Variants in CEP170 observed in about 807,000 individuals in gnomAD.
The protein encoded by CEP170 is centrosomal protein 170.
In CEP170, 21 loss-of-function variants were observed where a neutral mutation model predicts 151.9. The ratio of observed to expected loss-of-function variants is 0.14; its 90% CI spans 0.10 to 0.20. The LOEUF is 0.20. Among genes scored for constraint, CEP170 ranks in the 10% least tolerant of loss-of-function variants. CEP170 has a pLI of 1.00. For missense variants in CEP170, 964 were observed against 1,892.9 expected (o/e 0.51, Z 9.11); for synonymous variants, 356 against 648.8 (o/e 0.55, Z 6.86).
chr1:243,166,759 T>C (rs2058473202), intron 12 of CEP170, among the ~76,000 whole-genome samples: 1 of 152,058 alleles, frequency 6.6e-6, no homozygotes, highest in East Asian at 1.9e-4. Context: ...TATTTATGAA[T>C]TGACAAAAAT....
intron 11 of CEP170, among the ~76,000 whole-genome samples, chr1:243,170,965 G>A (rs1409112426): frequency 1.3e-5 from 2 of 152,252 alleles, no homozygotes; most frequent in East Asian, 1.9e-4. Flanking sequence ...AATACCAACA[G>A]TATGAGCGTC....
At chr1:243,233,432 T>C (rs1329458366) in intron 1 of CEP170, among the ~76,000 whole-genome samples, 5 of 152,100 alleles carry the variant, frequency 3.3e-5, no homozygotes, top group Non-Finnish European at 5.9e-5. Context: ...TACATTTTAC[T>C]GCTTTTTAAA....
At chr1:243,130,126 C>T (rs1249306415) in intron 17 of CEP170, among the ~76,000 whole-genome samples, 1 of 151,830 alleles carries the variant, frequency 6.6e-6, no homozygotes, top group Non-Finnish European at 1.5e-5. Context: ...GTAACTGTCA[C>T]TTATAAAGAA....
chr1:243,255,706 T>G (rs1572757522), upstream of CEP170, among the ~76,000 whole-genome samples: 2 of 152,364 alleles, frequency 1.3e-5, no homozygotes, highest in East Asian at 3.9e-4. Context: ...GATCAACTGC[T>G]GCATATTAGC....
At chr1:243,132,197 A>T (rs993487672) in intron 17 of CEP170, among the ~76,000 whole-genome samples, 2 of 152,194 alleles carry the variant, frequency 1.3e-5, no homozygotes, top group African/African-American at 4.8e-5. Flanking sequence ...GTTGATTCTC[A>T]AACTACCCTG....
chr1:243,129,325 T>A (rs2054092689), intron 18 of CEP170, 35 bp downstream of exon 18: 1 of 1,480,156 alleles, frequency 6.8e-7, no homozygotes, highest in Non-Finnish European at 9.0e-7. Flanking sequence ...AAAACTCTAT[T>A]AAAATGTTTT....
chr1:243,205,956 AAAAG>A (rs1233775167), intron 4 of CEP170, among the ~76,000 whole-genome samples: 2 of 151,254 alleles, frequency 1.3e-5, no homozygotes, highest in Admixed American at 6.6e-5. Context: ...GAAGGAAGAA[AAAAG>A]AAAGAAGAAA....
intron 17 of CEP170, 183 bp downstream of exon 17, chr1:243,135,960 G>C: frequency 1.5e-6 from 1 of 670,846 alleles, no homozygotes; most frequent in Non-Finnish European, 2.5e-6. Flanking sequence ...AAATCTGTAA[G>C]TCTATTTATG....
intron 3 of CEP170, 102 bp downstream of exon 3, chr1:243,221,622 A>C (rs751110429): frequency 6.7e-6 from 8 of 1,194,770 alleles, no homozygotes; most frequent in Non-Finnish European, 8.2e-6. Flanking sequence ...TAACATACAA[A>C]GTAAAGAAAA....
chr1:243,139,942 C>T lies in CEP170; in HGVS notation c.4225G>A (p.Asp1409Asn), dbSNP rs780151270. 1.9e-5 allele frequency: 30 copies of T among 1,610,050 alleles called. No individual in the cohort carries two copies. The highest frequency in any genetic ancestry group is 2.3e-5 in the Non-Finnish European group (27 of 1,177,302). Residue 1409 changes from aspartate to asparagine, a missense_variant, in exon 16 of 20, where the codon GAT becomes AAT. Transcript: ENST00000366542. ...AAAATTTATAGTTTACTTACTTCAT[C>T]CCTGCTCCAGGTTCTCCGCCTTGTA... ...TITRRRTWSR[D>N]EVMGDNLLLS...
rs1186252519 is a variant in CEP170 at position 243,142,143 on chromosome 1, A to G, written c.4059+173T>C. ...AATAGTAGACCAAATGTTAGCCTTC[A>G]CTAGTTTTGTTACAAAAACATAAAA... On this transcript the variant is annotated intron_variant, in intron 15 of 19. Transcript: ENST00000366542. The G allele has an allele frequency of 1.3e-5, 17 of 1,294,538 alleles. No homozygotes were observed. The East Asian group carries it at 4.1e-4, about 31-fold the overall frequency. 80.2% of individuals were successfully genotyped at this position (1,294,538 alleles called of 1,614,324 possible).
In CEP170 at chr1:243,165,018, G is replaced by C. The variant is rs768259210; in HGVS notation, c.2942C>G (p.Ser981Cys). The C allele has an allele frequency of 1.2e-6, 2 of 1,612,622 alleles. No homozygotes were observed. Among genetic ancestry groups the C allele is most frequent in the African/African-American group, 2.7e-5 (2 of 74,560 alleles). The stretch of plus-strand genomic sequence containing the variant: ...TTCCATTTTTTCCCTAGCACCTGAA[G>C]ATGATGATTTTGTAACATCTTTGGA... ...SPSKDVTKSS[S>C]SGAREKMEKK... Residue 981 changes from serine (S) to cysteine (C), a missense_variant, in exon 13 of 20, where the codon TCT (serine) becomes TGT (cysteine). Physicochemically the swap from Ser to Cys is moderately radical, Grantham distance 112. Coordinates refer to ENST00000366542, the MANE Select transcript of CEP170 (RefSeq NM_014812.3).
At position 243,140,059 on chromosome 1, in the gene CEP170, G is replaced by A. The variant is rs979228941; in HGVS notation, c.4108C>T (p.Pro1370Ser). ...DESLNFRKIP[P>S]LVHSKTPEGN... is the part of the protein sequence containing the mutation. ...TCTGGTGTTTTGGAATGAACTAATG[G>A]AGGAATCTTTCGGAAGTTGAGGCTT... The change falls in exon 16 of 20, where the codon CCA becomes TCA. Residue 1370 changes from proline (P) to serine (S), a missense_variant. Coordinates refer to ENST00000366542, the MANE Select transcript of CEP170 (RefSeq NM_014812.3). 5.6e-6 allele frequency: 9 copies of A among 1,613,742 alleles called. No individual in the cohort carries two copies. In the African/African-American group the frequency reaches 1.2e-4, roughly 22 times the overall value.
chr1:243,152,702 T>G (rs1427862458), intron 14 of CEP170, among the ~76,000 whole-genome samples: 4 of 150,824 alleles, frequency 2.7e-5, no homozygotes, highest in African/African-American at 7.3e-5. Flanking sequence ...CAGCTAATTT[T>G]TTCTATTTCT....
In CEP170 at chr1:243,155,199, A is replaced by G. The variant is rs576789180; in HGVS notation, c.3911+1022T>C. Among the ~76,000 whole-genome samples the G allele has an allele frequency of 5.3e-5, 8 of 152,328 alleles. No homozygotes were observed. In the South Asian group the frequency reaches 1.2e-3, roughly 24 times the overall value. On this transcript the variant is annotated intron_variant, in intron 14 of 19. Coordinates refer to ENST00000366542, the MANE Select transcript of CEP170 (RefSeq NM_014812.3). ...TTTTAAGCAGCACGATGAGATTAGA[A>G]AGGCATGTTCTCTCCAAGAATAAAA...
intron 19 of CEP170, among the ~76,000 whole-genome samples, chr1:243,127,242 T>TATACACCAC (rs950625077): frequency 2.6e-5 from 4 of 152,108 alleles, no homozygotes; most frequent in Non-Finnish European, 5.9e-5. Flanking sequence ...TTATCAGCTG[T>TATACACCAC]ATACACCACT....
At chr1:243,156,554 C>T (rs1417094863) in intron 13 of CEP170, 99 bp from the exon 14 acceptor site, 41 of 1,162,704 alleles carry the variant, frequency 3.5e-5, no homozygotes, top group East Asian at 2.6e-5. Flanking sequence ...AGCGCACACA[C>T]GGCACAATTT....
intron 6 of CEP170, among the ~76,000 whole-genome samples, chr1:243,199,575 T>C (rs1213961350): frequency 6.6e-6 from 1 of 152,096 alleles, no homozygotes; most frequent in Non-Finnish European, 1.5e-5. Context: ...AATAATCAAC[T>C]AGGGAAGAAC....
intron 1 of CEP170, among the ~76,000 whole-genome samples, chr1:243,226,351 G>C (rs1186455115): frequency 1.3e-5 from 2 of 151,026 alleles, no homozygotes; most frequent in Admixed American, 6.6e-5. Context: ...CTATAACAAA[G>C]TAACCATATT....
Sources: allele counts gnomAD v4.1 joint callset (sites outside exome capture counted in the v4.1 genomes callset), GRCh38; gene constraint gnomAD v4.1.1; transcripts MANE v1.5; gene names NCBI Gene and HGNC (gene_info 2026-07-23, HGNC 2026-07-21).